Variants in FAT4 observed in about 807,000 individuals in gnomAD.
FAT4 encodes protocadherin Fat 4.
In FAT4, 84 loss-of-function variants were observed where a neutral mutation model predicts 303.9. The ratio of observed to expected loss-of-function variants is 0.28; its 90% CI spans 0.23 to 0.33. The LOEUF is 0.33. FAT4 is among the 10% of genes least tolerant of loss of function. The pLI is 1.00. For synonymous variants in FAT4, 2,307 were observed against 2,298.8 expected (o/e 1.00, Z -0.10); for missense variants, 6,005 against 6,146.8 (o/e 0.98, Z 0.77).
chr4:125,382,477 A>G (rs1293758379), intron 2 of FAT4, among the ~76,000 whole-genome samples: 1 of 152,204 alleles, frequency 6.6e-6, no homozygotes, highest in Non-Finnish European at 1.5e-5. Context: ...CTGAGCAGTA[A>G]TTGTCAACAG....
Position 125,317,482 on chromosome 4 carries a change from C to T in FAT4, c.1071C>T (p.Tyr357=). The change falls in exon 2 of 18, where the codon TAC becomes TAT. Residue 357 remains tyrosine (Y), a synonymous_variant. Transcript: ENST00000394329. This position sits in a 1 kb window ranked among gnomAD's most constrained non-coding sequence, Gnocchi z 7.0. The stretch of plus-strand genomic sequence containing the variant: ...ATGACCCGGTAGTGAAGTTCCGCTA[C>T]TTCCCGGCCACCTCGCGCTACGCCT... ...NDNDPVVKFR[Y]FPATSRYASV... 6.2e-7 allele frequency: 1 copy of T among 1,613,752 alleles called. No homozygotes were observed. The highest frequency in any genetic ancestry group is 8.5e-7 in the Non-Finnish European group (1 of 1,180,044).
intron 7 of FAT4, among the ~76,000 whole-genome samples, chr4:125,432,343 C>T (rs891445238): frequency 3.9e-5 from 6 of 152,212 alleles, no homozygotes; most frequent in Non-Finnish European, 8.8e-5. Context: ...TGAGCTTACT[C>T]ATATACCAAA....
intron 7 of FAT4, among the ~76,000 whole-genome samples, chr4:125,429,312 C>T (rs868415943): frequency 2.6e-5 from 4 of 152,040 alleles, no homozygotes; most frequent in African/African-American, 9.7e-5. Flanking sequence ...AGCACAAGAC[C>T]TAATGGTATG....
intron 2 of FAT4, among the ~76,000 whole-genome samples, chr4:125,335,917 C>T (rs1731553143): frequency 6.6e-6 from 1 of 151,970 alleles, no homozygotes; most frequent in South Asian, 2.1e-4. Flanking sequence ...ACACATAGCA[C>T]TGCATATTTT....
chr4:125,376,257 A>T (rs941220499), intron 2 of FAT4, among the ~76,000 whole-genome samples: 1 of 152,242 alleles, frequency 6.6e-6, no homozygotes, highest in African/African-American at 2.4e-5. Flanking sequence ...TGGTGATGCA[A>T]GATTTTATTT....
chr4:125,420,826 C>T (rs1724842990), intron 7 of FAT4, among the ~76,000 whole-genome samples: 1 of 152,216 alleles, frequency 6.6e-6, no homozygotes, highest in Non-Finnish European at 1.5e-5. Flanking sequence ...CTAGACAGGT[C>T]GTATTGCTAC....
chr4:125,419,429 CCA>C (rs1475262377), intron 7 of FAT4, among the ~76,000 whole-genome samples: 1 of 152,160 alleles, frequency 6.6e-6, no homozygotes, highest in Non-Finnish European at 1.5e-5. Context: ...CTGAATTTAT[CCA>C]CTTTTCTTTA....
chr4:125,322,515 T>C (rs1260328390), intron 2 of FAT4, among the ~76,000 whole-genome samples: 1 of 152,110 alleles, frequency 6.6e-6, no homozygotes, highest in East Asian at 1.9e-4. Flanking sequence ...TGTTTGCTGT[T>C]TCTCAGTTCA....
At chr4:125,350,498 T>G (rs1239492491) in intron 2 of FAT4, among the ~76,000 whole-genome samples, 1 of 151,724 alleles carries the variant, frequency 6.6e-6, no homozygotes, top group African/African-American at 2.4e-5. Context: ...AAGAATCCAG[T>G]TTGGTCTTTG....
rs900754173 is a variant in FAT4 at position 125,315,404 on chromosome 4, G to A, written c.-586G>A. The stretch of plus-strand genomic sequence containing the variant: ...AAGCAGAGATAGCGAGGGCAGGGGC[G>A]AGGCGCGCTAGAGTGGGCTTCTGAC... On this transcript the variant is annotated 5_prime_UTR_variant, in exon 1 of 18. Transcript: ENST00000394329. 6.6e-6 allele frequency among the ~76,000 whole-genome samples: 1 copy of A among 152,202 alleles called. No individual in the cohort carries two copies. Among genetic ancestry groups the A allele is most frequent in the Non-Finnish European group, 1.5e-5 (1 of 68,042 alleles).
chr4:125,466,944 T>C (rs1726684866), intron 11 of FAT4, among the ~76,000 whole-genome samples: 2 of 151,728 alleles, frequency 1.3e-5, no homozygotes, highest in African/African-American at 2.4e-5. Context: ...CCGGCTAATT[T>C]TTTTTTGTAT....
At position 125,452,566 on chromosome 4, in the gene FAT4, T is replaced by C. The variant is rs772913685; in HGVS notation, c.11556T>C (p.Cys3852=). ...CTCTGCAGCCTTTCTTATGCAAGTG[T>C]CTGCCAGGATATGCGGGTAGCTGGT... ...NEPLQPFLCK[C]LPGYAGSWCE... is the part of the protein sequence containing the mutation. The change falls in exon 10 of 18, where the codon TGT becomes TGC. Residue 3852 remains cysteine (C), a synonymous_variant. Coordinates refer to ENST00000394329, the MANE Select transcript of FAT4 (RefSeq NM_001291303.3). The C allele has an allele frequency of 2.8e-5, 45 of 1,614,076 alleles. No homozygotes were observed. Among genetic ancestry groups the C allele is most frequent in the Non-Finnish European group, 3.8e-5 (45 of 1,180,042 alleles).
Position 125,491,145 on chromosome 4 carries a change from G to A in FAT4, c.14329G>A (p.Gly4777Arg), listed in dbSNP as rs1370184607. 1.9e-6 allele frequency: 3 copies of A among 1,614,000 alleles called. No homozygotes were observed. The highest frequency in any genetic ancestry group is 2.2e-5 in the East Asian group (1 of 44,866). Residue 4777 changes from glycine (G) to arginine (R), a missense_variant, in exon 18 of 18, where the codon GGG becomes AGG. Gly to Arg is a moderately radical substitution (Grantham distance 125). Coordinates refer to ENST00000394329, the MANE Select transcript of FAT4 (RefSeq NM_001291303.3). ...AGGGAGTCGCCTAAAGCAGCCGATT[G>A]GGCAGATTCCACTGGAATCTTCTCC... ...RPGSRLKQPI[G>R]QIPLESSPPV... is the part of the protein sequence containing the mutation.
chr4:125,396,959 TATATATAA>T (rs1167209508), intron 2 of FAT4, among the ~76,000 whole-genome samples: 3,655 of 75,198 alleles, frequency 0.049, 152 homozygotes, highest in African/African-American at 0.15. Context: ...TATATATATA[TATATATAA>T]AATATGTATG....
intron 8 of FAT4, among the ~76,000 whole-genome samples, chr4:125,435,769 G>A (rs1349468352): frequency 6.6e-6 from 1 of 152,062 alleles, no homozygotes; most frequent in Non-Finnish European, 1.5e-5. Flanking sequence ...ATACAGAATT[G>A]GGGTTTTCCA....
At chr4:125,417,813 G>A (rs996198852) in intron 7 of FAT4, among the ~76,000 whole-genome samples, 4 of 152,066 alleles carry the variant, frequency 2.6e-5, no homozygotes, top group Non-Finnish European at 4.4e-5. Context: ...TTTTCGAGTC[G>A]CTCTGAAATA....
chr4:125,379,750 G>A (rs765823212), intron 2 of FAT4, among the ~76,000 whole-genome samples: 3 of 151,662 alleles, frequency 2.0e-5, no homozygotes, highest in Admixed American at 1.3e-4. Context: ...ATGAGCCACC[G>A]CGCTTGGCCA....
At chr4:125,409,916 A>G (rs1038201331) in intron 5 of FAT4, among the ~76,000 whole-genome samples, 24 of 152,160 alleles carry the variant, frequency 1.6e-4, no homozygotes, top group Non-Finnish European at 3.5e-4. Flanking sequence ...TGAAGAAGAA[A>G]TAGGTCTCTA....
chr4:125,491,635 C>A lies in FAT4; in HGVS notation c.14819C>A (p.Pro4940His), dbSNP rs2126098874. 1 of 1,614,188 alleles carries A rather than the reference C, an allele frequency of 6.2e-7. No individual in the cohort carries two copies. The highest frequency in any genetic ancestry group is 8.5e-7 in the Non-Finnish European group (1 of 1,180,026). Residue 4940 changes from proline (P) to histidine (H), a missense_variant, in exon 18 of 18, where the codon CCT becomes CAT. Pro to His is a moderately conservative substitution (Grantham distance 77). Transcript: ENST00000394329. The part of the protein sequence containing the change: ...FNWDNLLNWG[P>H]GFGHYVDVFK... ...TGGGACAACCTTTTGAACTGGGGCC[C>A]TGGCTTTGGCCATTATGTAGATGTT...
Sources: gnomAD v4.1 joint callset for allele counts (sites outside exome capture counted in the v4.1 genomes callset) on GRCh38, gnomAD v4.1.1 for gene constraint, Gnocchi (gnomAD v3.1) non-coding constraint, MANE v1.5 for transcripts, NCBI Gene and HGNC (gene_info 2026-07-23, HGNC 2026-07-21) for gene names.